Variants in ETFBKMT observed in about 807,000 individuals in gnomAD.
ETFBKMT encodes electron transfer flavoprotein beta subunit lysine methyltransferase.
A neutral mutation model predicts 18.3 loss-of-function variants in ETFBKMT; 13 were observed. That is an observed-to-expected ratio of 0.71 (90% CI 0.46 to 1.13). ETFBKMT has a LOEUF of 1.13. Among genes scored for constraint, ETFBKMT ranks in the 50% most tolerant of loss-of-function variants. The pLI, the probability that ETFBKMT is intolerant of heterozygous loss-of-function variation, is 0.00. For missense variants in ETFBKMT, 293 were observed against 306.2 expected, an observed-to-expected ratio of 0.96 and a Z score of 0.32; for synonymous variants, 84 against 107.9, an observed-to-expected ratio of 0.78 and a Z score of 1.37.
intron 1 of ETFBKMT, among the ~76,000 whole-genome samples, chr12:31,648,921 C>T (rs1216725388): frequency 6.6e-6 from 1 of 152,116 alleles, no homozygotes; most frequent in African/African-American, 2.4e-5. Flanking sequence ...TTGTGATCCG[C>T]CTGCCTCAGC....
At position 31,671,040 on chromosome 12, in the gene ETFBKMT, A is replaced by G. The variant is rs1285706213; in HGVS notation, c.*3050A>G. 3 of 152,194 alleles carry G rather than the reference A, an allele frequency of 2.0e-5. No homozygotes were observed. Among genetic ancestry groups the G allele is most frequent in the African/African-American group, 7.2e-5 (3 of 41,448 alleles). The allele number at this position is 152,194 out of a possible 1,614,324, so 9.4% of individuals were successfully genotyped here. On this transcript the variant is annotated 3_prime_UTR_variant, in exon 4 of 4. Coordinates refer to ENST00000357721, the MANE Select transcript of ETFBKMT (RefSeq NM_001135863.2). Reference sequence around the variant, plus strand: ...CAACATAAAAAAGGAGAAATATCAAACTGCAAACTGTTTTAGGAAGATAAA... The same window carrying G: ...CAACATAAAAAAGGAGAAATATCAAGCTGCAAACTGTTTTAGGAAGATAAA...
In ETFBKMT at chr12:31,666,133, G is replaced by C. The variant is rs1951192321; in HGVS notation, c.361G>C (p.Asp121His). 1.2e-6 allele frequency: 2 copies of C among 1,613,962 alleles called. No homozygotes were observed. Among genetic ancestry groups the C allele is most frequent in the Non-Finnish European group, 1.7e-6 (2 of 1,179,826 alleles). ...TGTTGTCAGAGGAAAATCTGTATTA[G>C]ATCTTGGGAGTGGATGTGGAGCTAC... Reference protein sequence around the residue: ...PDVVRGKSVLDLGSGCGATAI... With the variant: ...PDVVRGKSVLHLGSGCGATAI... The change falls in exon 3 of 4, where the codon GAT becomes CAT. Residue 121 changes from aspartate to histidine, a missense_variant. By Grantham distance (81) the Asp-to-His change is moderately conservative. Coordinates refer to ENST00000357721, the MANE Select transcript of ETFBKMT (RefSeq NM_001135863.2).
chr12:31,668,232 G>C lies in ETFBKMT; in HGVS notation c.*242G>C. 1 of 432,054 alleles carries C rather than the reference G, an allele frequency of 2.3e-6. No homozygotes were observed. The highest frequency in any genetic ancestry group is 4.0e-5 in the Admixed American group (1 of 24,942). 26.8% of individuals were successfully genotyped at this position (432,054 alleles called of 1,614,324 possible). On this transcript the variant is annotated 3_prime_UTR_variant, in exon 4 of 4. Transcript: ENST00000357721. The stretch of plus-strand genomic sequence containing the variant: ...TTTTTTTCTATTTTAACCGCTGAAG[G>C]AATATGATTATACAATGCCATACTC...
Position 31,671,167 on chromosome 12 carries a change from T to G in ETFBKMT, c.*3177T>G, listed in dbSNP as rs1243356287. Reference sequence around the variant, plus strand: ...TTGGTTAAATATTCAGTATTAAATTTTATTGAATTTGTCTTTAGAAAAATT... The same window carrying G: ...TTGGTTAAATATTCAGTATTAAATTGTATTGAATTTGTCTTTAGAAAAATT... On this transcript the variant is annotated 3_prime_UTR_variant, in exon 4 of 4. Transcript: ENST00000357721. 1.3e-5 allele frequency: 2 copies of G among 152,216 alleles called. No individual in the cohort carries two copies. Among genetic ancestry groups the G allele is most frequent in the African/African-American group, 4.8e-5 (2 of 41,470 alleles). 9.4% of individuals were successfully genotyped at this position (152,216 alleles called of 1,614,324 possible).
Position 31,670,942 on chromosome 12 carries a change from A to G in ETFBKMT, c.*2952A>G, listed in dbSNP as rs1951257446. On this transcript the variant is annotated 3_prime_UTR_variant, in exon 4 of 4. Coordinates refer to ENST00000357721, the MANE Select transcript of ETFBKMT (RefSeq NM_001135863.2). ...GTAAGGAGAAAAAGAAGTAAGGGTA[A>G]TAGGGAATACTGGGTACTGGATGGG... The G allele has an allele frequency of 1.3e-5, 2 of 152,194 alleles. No homozygotes were observed. 9.4% of individuals were successfully genotyped at this position (152,194 alleles called of 1,614,324 possible).
chr12:31,656,850 C>T (rs552553874), upstream of ETFBKMT, among the ~76,000 whole-genome samples: 5 of 152,274 alleles, frequency 3.3e-5, no homozygotes, highest in African/African-American at 1.2e-4. Context: ...CAAGTTTGAT[C>T]CTCTCACCTT....
intron 2 of ETFBKMT, among the ~76,000 whole-genome samples, chr12:31,665,211 C>T (rs1951178774): frequency 6.6e-6 from 1 of 152,214 alleles, no homozygotes. Flanking sequence ...GCTGGGATTA[C>T]AGGCAGGAGC....
intron 1 of ETFBKMT, among the ~76,000 whole-genome samples, chr12:31,651,957 G>A (rs1951021510): frequency 6.6e-6 from 1 of 152,196 alleles, no homozygotes; most frequent in African/African-American, 2.4e-5. Flanking sequence ...GAGTACACAT[G>A]TTCAAATTGG....
chr12:31,672,333 G>A lies in ETFBKMT; in HGVS notation c.*4343G>A, dbSNP rs1326185367. On this transcript the variant is annotated 3_prime_UTR_variant, in exon 4 of 4. Coordinates refer to ENST00000357721, the MANE Select transcript of ETFBKMT (RefSeq NM_001135863.2). ...TAAACAGTCCATGTCACTTGCTTTA[G>A]TTTGTTTGGGCCTACTAATTGCTCC... is the stretch of plus-strand genomic sequence containing the variant. The A allele has an allele frequency of 2.5e-6, 4 of 1,579,416 alleles. No individual in the cohort carries two copies. In the African/African-American group the frequency reaches 5.4e-5, roughly 21 times the overall value.
chr12:31,663,819 A>G (rs1951161056), intron 2 of ETFBKMT, among the ~76,000 whole-genome samples: 1 of 150,376 alleles, frequency 6.6e-6, no homozygotes, highest in Admixed American at 6.8e-5. Context: ...CCTTTCCCTC[A>G]TTGTGCCTAA....
At chr12:31,647,174 CAAGCCTCT>C (rs1950976228) in exon 1 of ETFBKMT, 1 of 152,330 alleles carries the variant, frequency 6.6e-6, no homozygotes, top group African/African-American at 2.4e-5. Context: ...TAATGGAATC[CAAGCCTCT>C]AAGCCTCACA....
chr12:31,654,435 G>A (rs1241045806), upstream of ETFBKMT, among the ~76,000 whole-genome samples: 1 of 152,146 alleles, frequency 6.6e-6, no homozygotes, highest in Non-Finnish European at 1.5e-5. Context: ...TTTATGCAAA[G>A]GAAAGAAAGC....
rs770569899 is a variant in ETFBKMT at position 31,666,180 on chromosome 12, T to C, written c.408T>C (p.Ser136=). The change falls in exon 3 of 4, where the codon AGT becomes AGC. Residue 136 remains serine, a synonymous_variant. Transcript: ENST00000357721. ...CGATAIAAKM[S]GASRILANDI... is the part of the protein sequence containing the mutation. Reference sequence around the variant, plus strand: ...CTACAGCTATTGCTGCTAAGATGAGTGGGGCATCAAGGATCTTGGCCAATG... The same window carrying C: ...CTACAGCTATTGCTGCTAAGATGAGCGGGGCATCAAGGATCTTGGCCAATG... 2 of 1,614,120 alleles carry C rather than the reference T, an allele frequency of 1.2e-6. No homozygotes were observed. Among genetic ancestry groups the C allele is most frequent in the South Asian group, 2.2e-5 (2 of 91,080 alleles).
In ETFBKMT at chr12:31,669,595, C is replaced by G. The variant is rs1024514190; in HGVS notation, c.*1605C>G. 6.6e-6 allele frequency: 1 copy of G among 152,240 alleles called. No individual in the cohort carries two copies. Among genetic ancestry groups the G allele is most frequent in the African/African-American group, 2.4e-5 (1 of 41,450 alleles). The allele number at this position is 152,240 out of a possible 1,614,324, so 9.4% of individuals were successfully genotyped here. A position where few individuals can be genotyped will look rare whatever the true frequency, so the allele number is the denominator to read the frequency against. On this transcript the variant is annotated 3_prime_UTR_variant, in exon 4 of 4. Transcript: ENST00000357721. ...AGGGGATTTTTCTCTGATCCTCACC[C>G]TGAGAACCTGGTAGGTATCCTGGAG...
rs1272251849 is a variant in ETFBKMT, at chr12:31,670,999, T to C, written c.*3009T>C. 3 of 152,018 alleles carry C rather than the reference T, an allele frequency of 2.0e-5. No homozygotes were observed. Among genetic ancestry groups the C allele is most frequent in the Non-Finnish European group, 2.9e-5 (2 of 67,998 alleles). The allele number at this position is 152,018 out of a possible 1,614,324, so 9.4% of individuals were successfully genotyped here. A position where few individuals can be genotyped will look rare whatever the true frequency, so the allele number is the denominator to read the frequency against. On this transcript the variant is annotated 3_prime_UTR_variant, in exon 4 of 4. Coordinates refer to ENST00000357721, the MANE Select transcript of ETFBKMT (RefSeq NM_001135863.2). Reference sequence around the variant, plus strand: ...ATATTTTAAACAGAGTGGTGAGAAATAGTTAATACAGCTAGCAACATAAAA... The same window carrying C: ...ATATTTTAAACAGAGTGGTGAGAAACAGTTAATACAGCTAGCAACATAAAA...
intron 2 of ETFBKMT, among the ~76,000 whole-genome samples, chr12:31,665,808 T>C (rs1220813787): frequency 1.3e-5 from 2 of 152,270 alleles, no homozygotes; most frequent in Non-Finnish European, 2.9e-5. Flanking sequence ...AGCAGGAGCA[T>C]GTCCTTAAGG....
rs1040837689 is a variant in ETFBKMT, at chr12:31,669,740, C to A, written c.*1750C>A. The A allele has an allele frequency of 5.9e-5, 9 of 151,690 alleles. No individual in the cohort carries two copies. The highest frequency in any genetic ancestry group is 2.2e-4 in the African/African-American group (9 of 41,240). 9.4% of individuals were successfully genotyped at this position (151,690 alleles called of 1,614,324 possible). A position where few individuals can be genotyped will look rare whatever the true frequency, so the allele number is the denominator to read the frequency against. Reference sequence around the variant, plus strand: ...CTGTGAATTGGGCAGCTCCCAAAAGCAGAATAGGTTCAGAGTGACTGCAGG... The same window carrying A: ...CTGTGAATTGGGCAGCTCCCAAAAGAAGAATAGGTTCAGAGTGACTGCAGG... On this transcript the variant is annotated 3_prime_UTR_variant, in exon 4 of 4. Coordinates refer to ENST00000357721, the MANE Select transcript of ETFBKMT (RefSeq NM_001135863.2).
At chr12:31,649,824 T>C (rs1224972118) in intron 1 of ETFBKMT, among the ~76,000 whole-genome samples, 6 of 149,966 alleles carry the variant, frequency 4.0e-5, no homozygotes, top group Non-Finnish European at 8.9e-5. Context: ...TGGCATGATC[T>C]CAGCTTACTG....
intron 1 of ETFBKMT, among the ~76,000 whole-genome samples, chr12:31,651,965 T>C (rs1461770526): frequency 6.6e-6 from 1 of 152,150 alleles, no homozygotes; most frequent in Non-Finnish European, 1.5e-5. Flanking sequence ...ATGTTCAAAT[T>C]GGAGGCTCCA....
Sources: allele counts gnomAD v4.1 joint callset (sites outside exome capture counted in the v4.1 genomes callset), GRCh38; gene constraint gnomAD v4.1.1; transcripts MANE v1.5; gene names NCBI Gene and HGNC (gene_info 2026-07-23, HGNC 2026-07-21).